TPRG1: variants seen among roughly 807,000 people sequenced by gnomAD.
TPRG1 encodes tumor protein p63-regulated gene 1 protein.
TPRG1 carries 29 observed loss-of-function variants against 29.3 expected under a neutral mutation model. The ratio of observed to expected loss-of-function variants is 0.99; its 90% CI spans 0.74 to 1.35. The LOEUF (loss-of-function observed/expected upper bound fraction) is 1.35, where lower values mean the gene tolerates loss of function less well. TPRG1 is among the 40% of genes most tolerant of loss of function. The probability of loss-of-function intolerance (pLI) is 0.00; values close to 1 mark genes in which losing one functional copy is unlikely to be tolerated. For missense variants in TPRG1, 327 were observed against 335.0 expected (o/e 0.98, Z 0.19); for synonymous variants, 130 against 116.8 (o/e 1.11, Z -0.73).
chr3:189,190,465 T>A (rs1731524637), intron 1 of TPRG1, among the ~76,000 whole-genome samples: 1 of 152,138 alleles, frequency 6.6e-6, no homozygotes, highest in South Asian at 2.1e-4. Flanking sequence ...TAATGTTAAC[T>A]TCATCAAGAT....
chr3:189,020,733 G>T (rs1713252954), intron 3 of TPRG1, among the ~76,000 whole-genome samples: 1 of 127,998 alleles, frequency 7.8e-6, no homozygotes, highest in Non-Finnish European at 1.7e-5. Context: ...GAGTTCTGTA[G>T]ATGTCTATTA....
At chr3:189,027,040 G>A (rs1713702280) in intron 4 of TPRG1, among the ~76,000 whole-genome samples, 1 of 152,206 alleles carries the variant, frequency 6.6e-6, no homozygotes, top group Non-Finnish European at 1.5e-5. Flanking sequence ...AGTATTAGAT[G>A]AGTCAATATC....
chr3:189,294,112 T>C, intron 4 of TPRG1, among the ~76,000 whole-genome samples: 1 of 152,200 alleles, frequency 6.6e-6, no homozygotes, highest in South Asian at 2.1e-4. Flanking sequence ...CATAGTTGGG[T>C]ATACAAAACA....
chr3:189,323,576 C>T lies in TPRG1; in HGVS notation c.*2756C>T, dbSNP rs1724492190. On this transcript the variant is annotated 3_prime_UTR_variant, in exon 6 of 6. Transcript: ENST00000345063. ...CCAGAAATTGTTTCTTCATTACCAT[C>T]GACCTACTGATTATGGTTTTCTCAT... The T allele has an allele frequency of 1.3e-5, 2 of 152,106 alleles. No homozygotes were observed. Among genetic ancestry groups the T allele is most frequent in the Non-Finnish European group, 2.9e-5 (2 of 68,002 alleles). 9.4% of individuals were successfully genotyped at this position (152,106 alleles called of 1,614,324 possible). A position where few individuals can be genotyped will look rare whatever the true frequency, so the allele number is the denominator to read the frequency against.
intron 4 of TPRG1, among the ~76,000 whole-genome samples, chr3:189,075,294 G>C (rs1047307805): frequency 1.3e-5 from 2 of 151,788 alleles, no homozygotes; most frequent in Non-Finnish European, 2.9e-5. Context: ...CACCATGCCC[G>C]GCTAATTTTC....
chr3:189,240,037 C>T (rs926934134), intron 4 of TPRG1, among the ~76,000 whole-genome samples: 9 of 152,246 alleles, frequency 5.9e-5, no homozygotes, highest in South Asian at 2.1e-4. Flanking sequence ...CCTTTAAGCA[C>T]CTGGCATTAG....
chr3:189,168,032 T>G (rs1268163594), upstream of TPRG1, among the ~76,000 whole-genome samples: 3 of 152,140 alleles, frequency 2.0e-5, no homozygotes, highest in African/African-American at 7.2e-5. Context: ...ATGAAATTGT[T>G]CTCTTTCATT....
intron 3 of TPRG1, among the ~76,000 whole-genome samples, chr3:189,146,834 C>T (rs35940548): frequency 0.31 from 46,582 of 151,968 alleles, 7,623 homozygotes; most frequent in Admixed American, 0.44. Context: ...TAGAGGTTTC[C>T]AAAGCTGGGC....
At chr3:189,312,144 T>C (rs1447576571) in intron 5 of TPRG1, among the ~76,000 whole-genome samples, 63 of 45,044 alleles carry the variant, frequency 1.4e-3, no homozygotes, top group African/African-American at 5.5e-3. Flanking sequence ...TTTCTTTCTT[T>C]CTTTCTTTCT....
At chr3:189,118,750 C>G (rs749763868) in intron 1 of TPRG1, among the ~76,000 whole-genome samples, 4 of 152,202 alleles carry the variant, frequency 2.6e-5, no homozygotes, top group Non-Finnish European at 5.9e-5. Context: ...CCTGTGGGTA[C>G]ACAGAAGTCA....
intron 1 of TPRG1, among the ~76,000 whole-genome samples, chr3:189,201,499 G>T (rs927292672): frequency 6.6e-6 from 1 of 152,158 alleles, no homozygotes; most frequent in African/African-American, 2.4e-5. Flanking sequence ...GATTTAAAAA[G>T]GGGGCAGGTA....
At chr3:189,089,781 T>C (rs1215714568) in intron 4 of TPRG1, among the ~76,000 whole-genome samples, 2 of 152,212 alleles carry the variant, frequency 1.3e-5, no homozygotes, top group Non-Finnish European at 2.9e-5. Flanking sequence ...AATCACCTTT[T>C]AAAGGTCCCA....
intron 4 of TPRG1, among the ~76,000 whole-genome samples, chr3:189,025,640 C>T (rs940966201): frequency 3.3e-5 from 5 of 152,094 alleles, no homozygotes; most frequent in African/African-American, 1.2e-4. Context: ...AGTGTATTCA[C>T]TCTAATGGTT....
intron 4 of TPRG1, among the ~76,000 whole-genome samples, chr3:189,277,277 T>C (rs1258637384): frequency 1.3e-5 from 2 of 152,106 alleles, no homozygotes; most frequent in African/African-American, 2.4e-5. Context: ...ATTATCAAGC[T>C]ATAAAGGAGA....
At chr3:189,076,707 A>G (rs1717195519) in intron 4 of TPRG1, among the ~76,000 whole-genome samples, 1 of 152,046 alleles carries the variant, frequency 6.6e-6, no homozygotes, top group African/African-American at 2.4e-5. Context: ...GTGATAAGAT[A>G]ATGTAACTAA....
intron 1 of TPRG1, among the ~76,000 whole-genome samples, chr3:189,172,743 A>G (rs1375935): frequency 0.37 from 56,316 of 152,034 alleles, 10,511 homozygotes; most frequent in South Asian, 0.52. Context: ...GAGGGCATGT[A>G]TGTAAAGGGG....
intron 4 of TPRG1, among the ~76,000 whole-genome samples, chr3:189,274,155 CTAA>C (rs1715702774): frequency 6.6e-6 from 1 of 150,866 alleles, no homozygotes; most frequent in Non-Finnish European, 1.5e-5. Flanking sequence ...TAGAAAAAGG[CTAA>C]TGACCCTGAC....
chr3:189,185,000 G>A (rs568462905), intron 1 of TPRG1, among the ~76,000 whole-genome samples: 23 of 152,178 alleles, frequency 1.5e-4, no homozygotes, highest in Non-Finnish European at 2.9e-4. Flanking sequence ...CAGTGGGTTT[G>A]GTGGTTAGGC....
At chr3:189,129,543 T>G (rs1024477973) in intron 2 of TPRG1, among the ~76,000 whole-genome samples, 1 of 152,236 alleles carries the variant, frequency 6.6e-6, no homozygotes, top group Non-Finnish European at 1.5e-5. Context: ...AAAAATATGC[T>G]GTTTATACTT....
Sources: gnomAD v4.1 joint callset for allele counts (sites outside exome capture counted in the v4.1 genomes callset) on GRCh38, gnomAD v4.1.1 for gene constraint, MANE v1.5 for transcripts, NCBI Gene and HGNC (gene_info 2026-07-23, HGNC 2026-07-21) for gene names.